The following ST6GALNAC3 variants were observed in gnomAD, a reference collection of about 807,000 sequenced individuals.
The protein encoded by ST6GALNAC3 is alpha-N-acetylgalactosaminide alpha-2,6-sialyltransferase 3.
In ST6GALNAC3, 25 loss-of-function variants were observed where a neutral mutation model predicts 32.7. That is an observed-to-expected ratio of 0.76 (90% confidence interval 0.56 to 1.07). The LOEUF is 1.07. Ranked by LOEUF, ST6GALNAC3 falls within the 50% of genes least tolerant of loss-of-function variation. The pLI is 0.00. For synonymous variants in ST6GALNAC3, 129 were observed against 133.1 expected (o/e 0.97, Z 0.21); for missense variants, 355 against 382.4 (o/e 0.93, Z 0.60).
chr1:76,297,843 T>G (rs10782609), intron 1 of ST6GALNAC3, among the ~76,000 whole-genome samples: 32,332 of 151,918 alleles, frequency 0.21, 5,161 homozygotes, highest in African/African-American at 0.45. Flanking sequence ...TATCTAAATT[T>G]TCTTCTCTAT....
At chr1:76,382,854 A>G (rs1457469833) in intron 2 of ST6GALNAC3, among the ~76,000 whole-genome samples, 1 of 152,188 alleles carries the variant, frequency 6.6e-6, no homozygotes, top group Non-Finnish European at 1.5e-5. Flanking sequence ...TTGAATCTCT[A>G]TTGGCTAAGA....
intron 2 of ST6GALNAC3, among the ~76,000 whole-genome samples, chr1:76,331,343 C>T (rs1647183196): frequency 6.6e-6 from 1 of 152,134 alleles, no homozygotes; most frequent in Non-Finnish European, 1.5e-5. Context: ...ATCAGATAAA[C>T]AAATGTCCAG....
chr1:76,462,129 G>T (rs993166916), intron 3 of ST6GALNAC3, among the ~76,000 whole-genome samples: 1 of 151,916 alleles, frequency 6.6e-6, no homozygotes, highest in Non-Finnish European at 1.5e-5. Flanking sequence ...CCCCCAGCCT[G>T]TAAACTTCTT....
chr1:76,136,243 T>C (rs1280826303), intron 1 of ST6GALNAC3, among the ~76,000 whole-genome samples: 1 of 152,234 alleles, frequency 6.6e-6, no homozygotes, highest in East Asian at 1.9e-4. Flanking sequence ...GGTCAACAGC[T>C]GTTTTAAATG....
chr1:76,214,411 T>C (rs1655342883), intron 1 of ST6GALNAC3, among the ~76,000 whole-genome samples: 1 of 152,200 alleles, frequency 6.6e-6, no homozygotes, highest in South Asian at 2.1e-4. Flanking sequence ...AAAAAAATTT[T>C]TTTTTTGAGA....
At chr1:76,381,192 A>G (rs912546499) in intron 2 of ST6GALNAC3, among the ~76,000 whole-genome samples, 2 of 151,368 alleles carry the variant, frequency 1.3e-5, no homozygotes, top group African/African-American at 4.8e-5. Flanking sequence ...AAAAAGAAAA[A>G]AAAAAAGACC....
At chr1:76,438,134 T>C (rs548402154) in intron 3 of ST6GALNAC3, among the ~76,000 whole-genome samples, 3 of 150,520 alleles carry the variant, frequency 2.0e-5, no homozygotes, top group Non-Finnish European at 4.4e-5. Context: ...TGAGATGCTA[T>C]AAAACAACAT....
chr1:76,409,002 C>T (rs191216617), intron 2 of ST6GALNAC3, among the ~76,000 whole-genome samples: 7 of 152,100 alleles, frequency 4.6e-5, no homozygotes, highest in East Asian at 1.9e-4. Context: ...TGCTGCAAGC[C>T]GTCTGGCAAG....
chr1:76,111,222 AT>A (rs927368802), intron 1 of ST6GALNAC3, among the ~76,000 whole-genome samples: 2 of 142,032 alleles, frequency 1.4e-5, no homozygotes, highest in African/African-American at 2.9e-5. Context: ...GGCAATGAGG[AT>A]TTTTTTTTGC....
chr1:76,232,830 G>A (rs1056996425), intron 1 of ST6GALNAC3, among the ~76,000 whole-genome samples: 1 of 152,222 alleles, frequency 6.6e-6, no homozygotes, highest in African/African-American at 2.4e-5. Context: ...AGCCGGTCAA[G>A]TAGAGATAGA....
intron 1 of ST6GALNAC3, among the ~76,000 whole-genome samples, chr1:76,267,078 G>A (rs116685743): frequency 0.019 from 2,905 of 152,294 alleles, 95 homozygotes; most frequent in African/African-American, 0.065. Flanking sequence ...TTTCTCAGGA[G>A]TATCCCACCT....
rs1653423348 is a variant in ST6GALNAC3, at chr1:76,401,611, A to G, written c.214-10397A>G. ...ACTTTATTTGTAACAGTGATTTGAGACCTAGGATGATATTATCTTCCTCCA... is the reference window on the plus strand; with the variant it reads ...ACTTTATTTGTAACAGTGATTTGAGGCCTAGGATGATATTATCTTCCTCCA... On this transcript the variant is annotated intron_variant, in intron 2 of 4. Coordinates refer to ENST00000328299, the MANE Select transcript of ST6GALNAC3 (RefSeq NM_152996.4). 2.0e-5 allele frequency among the ~76,000 whole-genome samples: 3 copies of G among 152,054 alleles called. No individual in the cohort carries two copies. In the South Asian group the frequency reaches 6.3e-4, roughly 32 times the overall value.
rs1257343862 is a variant in ST6GALNAC3, at chr1:76,108,860, TAGTGTGTGTGTG to T, written c.18+33977_18+33988del. ...CAATGAGTTCTGAAATCTGTAGACATAGTGTGTGTGTGTGTGTGTGTGTGTGTGTGTGTGTGT... is the reference window on the plus strand; with the variant it reads ...CAATGAGTTCTGAAATCTGTAGACATTGTGTGTGTGTGTGTGTGTGTGTGT... On this transcript the variant is annotated intron_variant, in intron 1 of 4. Transcript: ENST00000328299. Among the ~76,000 whole-genome samples, 37 of 92,698 alleles carry T rather than the reference TAGTGTGTGTGTG, an allele frequency of 4.0e-4. 1 individual carries two copies. The highest frequency in any genetic ancestry group is 1.4e-3 in the African/African-American group (36 of 26,486). 60.8% of individuals were successfully genotyped at this position (92,698 alleles called of 152,430 possible).
chr1:76,386,378 G>GA, intron 2 of ST6GALNAC3, among the ~76,000 whole-genome samples: 1 of 152,198 alleles, frequency 6.6e-6, no homozygotes, highest in Admixed American at 6.5e-5. Flanking sequence ...AGAACTAAAT[G>GA]AAAAATGTGC....
At chr1:76,407,664 G>A (rs998747396) in intron 2 of ST6GALNAC3, among the ~76,000 whole-genome samples, 1 of 151,104 alleles carries the variant, frequency 6.6e-6, no homozygotes, top group Non-Finnish European at 1.5e-5. Context: ...AGATGAAGAA[G>A]ACAAGTTTGT....
intron 3 of ST6GALNAC3, among the ~76,000 whole-genome samples, chr1:76,434,784 G>GTTTTTTTTTTTTTTT (rs1211703628): frequency 1.1e-4 from 8 of 72,200 alleles, no homozygotes; most frequent in African/African-American, 2.3e-4. Context: ...TTTTTTCTCT[G>GTTTTTTTTTTTTTTT]TTTTTTTTTT....
At chr1:76,371,742 C>A (rs1033108400) in intron 2 of ST6GALNAC3, among the ~76,000 whole-genome samples, 1 of 152,158 alleles carries the variant, frequency 6.6e-6, no homozygotes, top group Non-Finnish European at 1.5e-5. Flanking sequence ...GTGGCCATCC[C>A]AGTTTGCTAG....
At chr1:76,620,362 A>G (rs2100699764) in intron 3 of ST6GALNAC3, among the ~76,000 whole-genome samples, 1 of 152,160 alleles carries the variant, frequency 6.6e-6, no homozygotes, top group East Asian at 1.9e-4. Flanking sequence ...AGCAGTGGGG[A>G]GTTTAGGTGT....
At chr1:76,505,842 G>A (rs191862579) in intron 3 of ST6GALNAC3, among the ~76,000 whole-genome samples, 121 of 152,250 alleles carry the variant, frequency 7.9e-4, no homozygotes, top group Middle Eastern at 3.4e-3. Context: ...ATGGGGCAAC[G>A]TGTGCATGGG....
Sources: allele counts gnomAD v4.1 joint callset (sites outside exome capture counted in the v4.1 genomes callset), GRCh38; gene constraint gnomAD v4.1.1; transcripts MANE v1.5; gene names NCBI Gene and HGNC (gene_info 2026-07-23, HGNC 2026-07-21).